The following FAM81B variants were observed in gnomAD, a reference collection of about 807,000 sequenced individuals.
FAM81B encodes protein FAM81B.
In FAM81B, 60 loss-of-function variants were observed where a neutral mutation model predicts 58.7. That is an observed-to-expected ratio of 1.02 (90% CI 0.83 to 1.27). The LOEUF (loss-of-function observed/expected upper bound fraction) is 1.27. FAM81B is among the 50% of genes most tolerant of loss of function. The pLI is 0.00. For synonymous variants in FAM81B, 189 were observed against 179.6 expected, an observed-to-expected ratio of 1.05 and a Z score of -0.42; for missense variants, 491 against 522.0, an observed-to-expected ratio of 0.94 and a Z score of 0.58.
chr5:95,414,146 C>G lies in FAM81B; in HGVS notation c.493C>G (p.Gln165Glu). Residue 165 changes from glutamine to glutamate, a missense_variant, in exon 4 of 10, where the codon CAG becomes GAG. Gln to Glu is a conservative substitution (Grantham distance 29, BLOSUM62 2). Transcript: ENST00000283357. ...LARKLLESHI[Q>E]TITSIVKKLS... ...CAGGAAGTTACTGGAAAGCCACATC[C>G]AGACCATCACCAGCATCGTCAAAAA... The G allele has an allele frequency of 6.2e-7, 1 of 1,614,034 alleles. No homozygotes were observed. Among genetic ancestry groups the G allele is most frequent in the Non-Finnish European group, 8.5e-7 (1 of 1,179,968 alleles).
intron 4 of FAM81B, among the ~76,000 whole-genome samples, chr5:95,417,793 T>C (rs1380898596): frequency 6.6e-6 from 1 of 152,188 alleles, no homozygotes; most frequent in East Asian, 1.9e-4. Context: ...AGAAGAGATG[T>C]ATACAATCCA....
intron 4 of FAM81B, among the ~76,000 whole-genome samples, chr5:95,415,792 G>A (rs1278445083): frequency 1.3e-5 from 2 of 152,110 alleles, no homozygotes; most frequent in Non-Finnish European, 2.9e-5. Flanking sequence ...TTATATGGTT[G>A]ATTACATTAC....
intron 5 of FAM81B, 83 bp downstream of exon 5, chr5:95,420,485 GA>G: frequency 6.4e-7 from 1 of 1,568,924 alleles, no homozygotes; most frequent in South Asian, 1.1e-5. Context: ...CCATGCTGTG[GA>G]AAAAAGATAT....
Position 95,396,174 on chromosome 5 carries a change from A to G in FAM81B, c.292A>G (p.Lys98Glu). The G allele has an allele frequency of 6.3e-7, 1 of 1,597,320 alleles. No individual in the cohort carries two copies. The highest frequency in any genetic ancestry group is 8.5e-7 in the Non-Finnish European group (1 of 1,173,812). Residue 98 changes from lysine to glutamate, a missense_variant and splice_region_variant, in exon 3 of 10, where the codon AAG (lysine) becomes GAG (glutamate). Lys to Glu is a moderately conservative substitution (Grantham distance 56, BLOSUM62 1). Transcript: ENST00000283357. ...TACAGATCTAGTTGAATATGTTGAC[A>G]AGTAAGTGTGTAAATTACAACTAGT... ...NSTDLVEYVD[K>E]SHAFLPIIPN...
Position 95,391,947 on chromosome 5 carries a change from TTCCTCAAGGATC to T in FAM81B, c.124+436_124+447del, listed in dbSNP as rs547038121. ...AACCATGTGGAAGACAGTGAGGTGATTCCTCAAGGATCTAGAACTAGAAATACCATTTGATCC... is the reference window on the plus strand; with the variant it reads ...AACCATGTGGAAGACAGTGAGGTGATTAGAACTAGAAATACCATTTGATCC... On this transcript the variant is annotated intron_variant, in intron 1 of 9. Transcript: ENST00000283357. Among the ~76,000 whole-genome samples, 1,087 of 152,300 alleles carry T rather than the reference TTCCTCAAGGATC, an allele frequency of 7.1e-3. 7 individuals are homozygous for T. The highest frequency in any genetic ancestry group is 9.7e-3 in the Non-Finnish European group (663 of 68,022).
At chr5:95,436,988 AC>A (rs1745130886) in intron 7 of FAM81B, 82 bp downstream of exon 7, 1 of 1,085,126 alleles carries the variant, frequency 9.2e-7, no homozygotes. Context: ...TGAAATAAAA[AC>A]CTATCCCAGG....
At chr5:95,408,986 G>A (rs1161027496) in intron 3 of FAM81B, among the ~76,000 whole-genome samples, 2 of 152,164 alleles carry the variant, frequency 1.3e-5, no homozygotes, top group African/African-American at 4.8e-5. Context: ...AGTCCAAATT[G>A]AGAAGTTGTG....
intron 6 of FAM81B, 108 bp downstream of exon 6, chr5:95,428,840 T>A: frequency 6.8e-7 from 1 of 1,463,702 alleles, no homozygotes; most frequent in Non-Finnish European, 9.4e-7. Flanking sequence ...AGAACTCTTT[T>A]CTTCCAAAGG....
chr5:95,413,239 G>A (rs1278498420), intron 3 of FAM81B, among the ~76,000 whole-genome samples: 4 of 152,078 alleles, frequency 2.6e-5, no homozygotes, highest in Admixed American at 6.6e-5. Flanking sequence ...TCTTTCTCAC[G>A]TTGTGCACTC....
intron 6 of FAM81B, among the ~76,000 whole-genome samples, chr5:95,430,444 A>G (rs986128461): frequency 6.6e-6 from 1 of 151,148 alleles, no homozygotes; most frequent in African/African-American, 2.4e-5. Context: ...TTTAAAAAAA[A>G]AAAACTAAAC....
intron 5 of FAM81B, among the ~76,000 whole-genome samples, chr5:95,424,517 G>A (rs1423937827): frequency 2.0e-5 from 3 of 150,162 alleles, no homozygotes; most frequent in Non-Finnish European, 4.4e-5. Context: ...AAGCCCCATT[G>A]AATCTACAGT....
intron 3 of FAM81B, chr5:95,397,170 C>T (rs567815446): frequency 6.6e-6 from 1 of 152,294 alleles, no homozygotes; most frequent in East Asian, 1.9e-4. Flanking sequence ...AAATTTAATA[C>T]ATTCCAAATA....
intron 3 of FAM81B, among the ~76,000 whole-genome samples, chr5:95,409,488 A>ATTTTTTTTTTTTTTTTTTTT (rs1561295717): frequency 4.5e-5 from 4 of 88,868 alleles, no homozygotes; most frequent in South Asian, 2.7e-4. Flanking sequence ...ATTTTTCTTA[A>ATTTTTTTTTTTTTTTTTTTT]TGTGGCTATT....
rs142442809 is a variant in FAM81B, at chr5:95,405,377, A to T, written c.294-8570A>T. Among the ~76,000 whole-genome samples the T allele has an allele frequency of 1.4e-3, 209 of 151,438 alleles. 1 individual carries two copies. Among genetic ancestry groups the T allele is most frequent in the African/African-American group, 4.0e-3 (164 of 41,324 alleles). Reference sequence around the variant, plus strand: ...CCTCAGTCTGGTCTTCTAAATCACTAATTCATTCTTTAGCTATTTTTTCTG... The same window carrying T: ...CCTCAGTCTGGTCTTCTAAATCACTTATTCATTCTTTAGCTATTTTTTCTG... On this transcript the variant is annotated intron_variant, in intron 3 of 9. Coordinates refer to ENST00000283357, the MANE Select transcript of FAM81B (RefSeq NM_152548.3).
At chr5:95,432,283 T>C (rs574998788) in intron 6 of FAM81B, among the ~76,000 whole-genome samples, 1 of 152,256 alleles carries the variant, frequency 6.6e-6, no homozygotes, top group African/African-American at 2.4e-5. Context: ...CAGGATAATG[T>C]TTGCTGACAT....
In FAM81B at chr5:95,428,617, T is replaced by C. The variant is rs1184137442; in HGVS notation, c.671T>C (p.Ile224Thr). 1 of 1,613,810 alleles carries C rather than the reference T, an allele frequency of 6.2e-7. No homozygotes were observed. The highest frequency in any genetic ancestry group is 1.3e-5 in the African/African-American group (1 of 74,932). The change falls in exon 6 of 10, where the codon ATT (isoleucine) becomes ACT (threonine). Residue 224 changes from isoleucine (I) to threonine (T), a missense_variant. Physicochemically the swap from Ile to Thr is moderately conservative, Grantham distance 89. Transcript: ENST00000283357. ...RGRVARCDSS[I>T]VKLSGDIHLF... ...CTTGCCATTAGATGTGATTCAAGCATTGTGAAGCTTTCTGGAGACATTCAC... is the reference window on the plus strand; with the variant it reads ...CTTGCCATTAGATGTGATTCAAGCACTGTGAAGCTTTCTGGAGACATTCAC...
chr5:95,431,170 CTAGTTG>C lies in FAM81B; in HGVS notation c.786+2445_786+2450del, dbSNP rs1395254058. Among the ~76,000 whole-genome samples the C allele has an allele frequency of 2.0e-5, 3 of 152,120 alleles. No individual in the cohort carries two copies. In the East Asian group the frequency reaches 5.8e-4, roughly 29 times the overall value. ...GTTTTTGACATGCACAAATAGTTCT[CTAGTTG>C]TAGTTGAATTTATCAGTTCTTTTGT... On this transcript the variant is annotated intron_variant, in intron 6 of 9. Transcript: ENST00000283357.
At chr5:95,415,213 G>T (rs1308904348) in intron 4 of FAM81B, among the ~76,000 whole-genome samples, 1 of 152,188 alleles carries the variant, frequency 6.6e-6, no homozygotes, top group East Asian at 1.9e-4. Context: ...TCATGCAAGG[G>T]CTACAGATAG....
intron 7 of FAM81B, chr5:95,440,055 T>C: frequency 2.2e-6 from 1 of 452,066 alleles, no homozygotes; most frequent in Middle Eastern, 3.5e-4. Flanking sequence ...GGTTAACCTT[T>C]GTTTGGCTTG....
Sources: allele counts gnomAD v4.1 joint callset (sites outside exome capture counted in the v4.1 genomes callset), GRCh38; gene constraint gnomAD v4.1.1; transcripts MANE v1.5; gene names NCBI Gene and HGNC (gene_info 2026-07-23, HGNC 2026-07-21).